The following CTDSP2 variants were observed in gnomAD, a reference collection of about 807,000 sequenced individuals.
CTDSP2 encodes the protein CTD small phosphatase 2, also known as carboxy-terminal domain RNA polymerase II polypeptide A small phosphatase 2.
CTDSP2 carries 9 observed loss-of-function variants against 31.6 expected under a neutral mutation model. The observed-to-expected ratio is 0.28, with a 90% CI of 0.17 to 0.50. The LOEUF is 0.50. Ranked by LOEUF, CTDSP2 falls within the 20% of genes least tolerant of loss-of-function variation. The pLI is 0.98. For synonymous variants in CTDSP2, 134 were observed against 134.5 expected (o/e 1.00, Z 0.03); for missense variants, 267 against 348.5 (o/e 0.77, Z 1.86).
chr12:57,827,652 A>G lies in CTDSP2; in HGVS notation c.214-62T>C. 16 of 1,523,366 alleles carry G rather than the reference A, an allele frequency of 1.1e-5. No individual in the cohort carries two copies. In the South Asian group the frequency reaches 1.7e-4, roughly 16 times the overall value. 94.4% of individuals were successfully genotyped at this position (1,523,366 alleles called of 1,614,324 possible). The stretch of plus-strand genomic sequence containing the variant: ...TGCCTTTCCCACCCCATCCAAACCC[A>G]CTGCTTCTGTCTTAAGCCTGGAGGG... On this transcript the variant is annotated intron_variant, in intron 2 of 7. Coordinates refer to ENST00000398073, the MANE Select transcript of CTDSP2 (RefSeq NM_005730.4).
At chr12:57,840,149 G>A (rs931775964) in intron 1 of CTDSP2, among the ~76,000 whole-genome samples, 3 of 152,150 alleles carry the variant, frequency 2.0e-5, no homozygotes, top group African/African-American at 7.2e-5. Context: ...GCACCTGTCA[G>A]AGCCACAAGG....
In CTDSP2 at chr12:57,823,492, T is replaced by G; in HGVS notation, c.*110A>C. On this transcript the variant is annotated 3_prime_UTR_variant, in exon 8 of 8. Transcript: ENST00000398073. Reference sequence around the variant, plus strand: ...CTCTTTCCAGTTACTTCCCGCTGTTTCCGGGCCGTGTGGTGAGGCACTCCA... The same window carrying G: ...CTCTTTCCAGTTACTTCCCGCTGTTGCCGGGCCGTGTGGTGAGGCACTCCA... 1 of 1,306,376 alleles carries G rather than the reference T, an allele frequency of 7.7e-7. No homozygotes were observed. The highest frequency in any genetic ancestry group is 1.1e-6 in the Non-Finnish European group (1 of 946,416). The allele number at this position is 1,306,376 out of a possible 1,614,324, so 80.9% of individuals were successfully genotyped here. A position where few individuals can be genotyped will look rare whatever the true frequency, so the allele number is the denominator to read the frequency against.
At position 57,823,358 on chromosome 12, in the gene CTDSP2, AAC is replaced by A. The variant is rs924689714; in HGVS notation, c.*242_*243del. The A allele has an allele frequency of 1.8e-6, 1 of 544,312 alleles. No individual in the cohort carries two copies. The highest frequency in any genetic ancestry group is 3.1e-5 in the Admixed American group (1 of 32,046). 33.7% of individuals were successfully genotyped at this position (544,312 alleles called of 1,614,324 possible). On this transcript the variant is annotated 3_prime_UTR_variant, in exon 8 of 8. Transcript: ENST00000398073. Reference sequence around the variant, plus strand: ...CAGTTCATGGCAAAACACACACACAAACACACACTCTCTCACAGTCAAACACA... The same window carrying A: ...CAGTTCATGGCAAAACACACACACAAACACACTCTCTCACAGTCAAACACA...
chr12:57,840,454 G>A (rs1215111237), intron 1 of CTDSP2, among the ~76,000 whole-genome samples: 1 of 152,190 alleles, frequency 6.6e-6, no homozygotes, highest in Non-Finnish European at 1.5e-5. Context: ...AGTTCTATGT[G>A]ACGTGAGTCA....
chr12:57,843,958 G>A (rs1416925808), intron 1 of CTDSP2, among the ~76,000 whole-genome samples: 2 of 151,938 alleles, frequency 1.3e-5, no homozygotes, highest in Non-Finnish European at 2.9e-5. Flanking sequence ...AGCACTTTGG[G>A]AGGCCGAAGG....
rs1956151490 is a variant in CTDSP2, at chr12:57,822,296, G to GC, written c.*1305_*1306insG. The GC allele has an allele frequency of 6.6e-6, 1 of 152,234 alleles. No homozygotes were observed. Among genetic ancestry groups the GC allele is most frequent in the African/African-American group, 2.4e-5 (1 of 41,434 alleles). 9.4% of individuals were successfully genotyped at this position (152,234 alleles called of 1,614,324 possible). ...TTAATTTTAAAGCATTCACTATTAA[G>GC]AACCTTTGAAAGCAGGAGACACCCA... On this transcript the variant is annotated 3_prime_UTR_variant, in exon 8 of 8. Transcript: ENST00000398073.
rs139338047 is a variant in CTDSP2, at chr12:57,838,861, G to T, written c.64+7511C>A. On this transcript the variant is annotated intron_variant, in intron 1 of 7. Coordinates refer to ENST00000398073, the MANE Select transcript of CTDSP2 (RefSeq NM_005730.4). ...GTGTCCTGGTCCTAACAAAAGCTTT[G>T]TAAGTGTCAACTGCTACTCATTAAG... Among the ~76,000 whole-genome samples the T allele has an allele frequency of 2.9e-3, 439 of 152,282 alleles. 3 individuals carry two copies. Among genetic ancestry groups the T allele is most frequent in the Non-Finnish European group, 4.1e-3 (276 of 68,026 alleles).
chr12:57,846,429 G>A lies in CTDSP2; in HGVS notation c.7C>T (p.His3Tyr). Residue 3 changes from histidine to tyrosine, a missense_variant, in exon 1 of 8, where the codon CAC (histidine) becomes TAC (tyrosine). Physicochemically the swap from His to Tyr is moderately conservative, Grantham distance 83. Around this residue, in one of 2 missense-constraint regions of CTDSP2, gnomAD observed 111 missense variants for 107.1 expected, o/e 1.04. Transcript: ENST00000398073. ...CGCGCCTGGGTGATGATGGAGCCGT[G>A]TTCCATCTAACAATCCCGCGGGCCC... ME[H>Y]GSIITQARRE... 1.2e-6 allele frequency: 2 copies of A among 1,602,118 alleles called. No homozygotes were observed. Among genetic ancestry groups the A allele is most frequent in the Non-Finnish European group, 1.7e-6 (2 of 1,174,922 alleles).
At chr12:57,838,779 C>T (rs753149309) in intron 1 of CTDSP2, among the ~76,000 whole-genome samples, 34 of 152,216 alleles carry the variant, frequency 2.2e-4, no homozygotes, top group Non-Finnish European at 3.8e-4. Flanking sequence ...GTTTCTTCAT[C>T]TGCAAAATGG....
intron 1 of CTDSP2, among the ~76,000 whole-genome samples, chr12:57,832,517 C>T (rs781703570): frequency 1.1e-4 from 16 of 152,058 alleles, no homozygotes; most frequent in East Asian, 3.9e-4. Flanking sequence ...ACAGGGCGGT[C>T]GTGGTGGCTC....
rs941348808 is a variant in CTDSP2, at chr12:57,832,465, G to A, written c.65-2869C>T. 2.6e-5 allele frequency among the ~76,000 whole-genome samples: 4 copies of A among 152,074 alleles called. No homozygotes were observed. In the East Asian group the frequency reaches 7.7e-4, roughly 29 times the overall value. On this transcript the variant is annotated intron_variant, in intron 1 of 7. Transcript: ENST00000398073. ...AAGCTCAGAAGTTCAAGACCAGCCT[G>A]GGCAACATAGCAAGACCTCATCTCA...
At position 57,823,502 on chromosome 12, in the gene CTDSP2, G is replaced by A; in HGVS notation, c.*100C>T. On this transcript the variant is annotated 3_prime_UTR_variant, in exon 8 of 8. Transcript: ENST00000398073. ...TTACTTCCCGCTGTTTCCGGGCCGT[G>A]TGGTGAGGCACTCCAGCTTCTACTC... is the stretch of plus-strand genomic sequence containing the variant. 1 of 1,404,894 alleles carries A rather than the reference G, an allele frequency of 7.1e-7. No homozygotes were observed. The highest frequency in any genetic ancestry group is 1.4e-5 in the African/African-American group (1 of 70,878). The allele number at this position is 1,404,894 out of a possible 1,614,324, so 87.0% of individuals were successfully genotyped here.
intron 3 of CTDSP2, 101 bp from the exon 4 acceptor site, chr12:57,827,198 T>G (rs1956188423): frequency 2.4e-6 from 2 of 833,530 alleles, no homozygotes; most frequent in Non-Finnish European, 4.0e-6. Context: ...GGAGACACAA[T>G]CACCAACCCA....
intron 1 of CTDSP2, chr12:57,842,737 G>C (rs1331320281): frequency 6.6e-6 from 1 of 152,464 alleles, no homozygotes; most frequent in African/African-American, 2.4e-5. Context: ...AGGAAGGTGA[G>C]AGGCACCAGC....
Position 57,828,937 on chromosome 12 carries a change from G to C in CTDSP2, c.213+511C>G, listed in dbSNP as rs148357441. On this transcript the variant is annotated intron_variant, in intron 2 of 7. Coordinates refer to ENST00000398073, the MANE Select transcript of CTDSP2 (RefSeq NM_005730.4). ...GACAGGAGTTATTAACAGCATGGTA[G>C]AGTTTCAATTCCTTGGTTCCCTGTA... Among the ~76,000 whole-genome samples the C allele has an allele frequency of 2.4e-3, 373 of 152,366 alleles. 7 individuals carry two copies. The highest frequency in any genetic ancestry group is 8.7e-3 in the African/African-American group (360 of 41,586).
Position 57,830,118 on chromosome 12 carries a change from G to A in CTDSP2, c.65-522C>T, listed in dbSNP as rs559596763. On this transcript the variant is annotated intron_variant, in intron 1 of 7. Coordinates refer to ENST00000398073, the MANE Select transcript of CTDSP2 (RefSeq NM_005730.4). The stretch of plus-strand genomic sequence containing the variant: ...TTCAGGATAGAGGCCAGGTGCAGTG[G>A]CTCACGCCTGTAATTCCAGCACTTT... Among the ~76,000 whole-genome samples, 15 of 152,308 alleles carry A rather than the reference G, an allele frequency of 9.8e-5. No homozygotes were observed. In the East Asian group the frequency reaches 2.9e-3, roughly 29 times the overall value.
intron 5 of CTDSP2, among the ~76,000 whole-genome samples, chr12:57,825,515 G>C (rs1467160453): frequency 6.6e-6 from 1 of 152,166 alleles, no homozygotes; most frequent in Non-Finnish European, 1.5e-5. Flanking sequence ...TTTCTACAAG[G>C]GTTTAGCACA....
chr12:57,838,099 A>G (rs1956258828), intron 1 of CTDSP2, among the ~76,000 whole-genome samples: 1 of 152,150 alleles, frequency 6.6e-6, no homozygotes, highest in African/African-American at 2.4e-5. Flanking sequence ...GGCAGCTCCA[A>G]CGTACTTTAA....
chr12:57,839,643 A>G (rs1956270411), intron 1 of CTDSP2, among the ~76,000 whole-genome samples: 2 of 152,140 alleles, frequency 1.3e-5, no homozygotes, highest in Non-Finnish European at 2.9e-5. Context: ...GCATAGACCC[A>G]GGAGGTGGAG....
Sources: allele counts gnomAD v4.1 joint callset (sites outside exome capture counted in the v4.1 genomes callset), GRCh38; gene constraint gnomAD v4.1.1; regional missense constraint gnomAD v4.1.1; transcripts MANE v1.5; gene names NCBI Gene and HGNC (gene_info 2026-07-23, HGNC 2026-07-21).